Variants in SNX27 observed in about 807,000 individuals in gnomAD.
The protein encoded by SNX27 is sorting nexin-27.
A neutral mutation model predicts 71.6 loss-of-function variants in SNX27; 22 were observed. That is an observed-to-expected ratio of 0.31 (90% CI 0.22 to 0.44). SNX27 has a LOEUF of 0.44. SNX27 is among the 20% of genes least tolerant of loss of function. The probability of loss-of-function intolerance (pLI) is 1.00; values close to 1 mark genes in which losing one functional copy is unlikely to be tolerated. For missense variants in SNX27, 531 were observed against 698.6 expected (o/e 0.76, Z 2.70); for synonymous variants, 269 against 277.2 (o/e 0.97, Z 0.29).
At chr1:151,666,624 C>A (rs1039446543) in intron 6 of SNX27, 9 of 152,252 alleles carry the variant, frequency 5.9e-5, no homozygotes, top group African/African-American at 2.2e-4. Context: ...TTATGGGTCT[C>A]TTCCATGTCA....
intron 2 of SNX27, among the ~76,000 whole-genome samples, chr1:151,641,684 GAT>G (rs1169537943): frequency 6.6e-5 from 8 of 121,656 alleles, no homozygotes; most frequent in African/African-American, 2.4e-4. Flanking sequence ...ATATATATCT[GAT>G]ATATATATCA....
intron 7 of SNX27, among the ~76,000 whole-genome samples, chr1:151,671,501 T>C (rs1427104244): frequency 1.3e-5 from 2 of 152,132 alleles, no homozygotes; most frequent in African/African-American, 4.8e-5. Context: ...CCTCCTAAAT[T>C]GCTGGGTTAC....
intron 8 of SNX27, among the ~76,000 whole-genome samples, chr1:151,689,680 G>A (rs780937580): frequency 2.0e-5 from 3 of 152,140 alleles, no homozygotes; most frequent in East Asian, 1.9e-4. Flanking sequence ...AAGGGTCAAC[G>A]ACACCCACTG....
At chr1:151,656,259 G>A (rs1309052564) in intron 2 of SNX27, among the ~76,000 whole-genome samples, 1 of 149,190 alleles carries the variant, frequency 6.7e-6, no homozygotes, top group Non-Finnish European at 1.5e-5. Flanking sequence ...GTGACAAACT[G>A]GAAGAAGATA....
Position 151,665,947 on chromosome 1 carries a change from G to A in SNX27, c.921G>A (p.Lys307=). The A allele has an allele frequency of 1.3e-6, 2 of 1,599,770 alleles. No homozygotes were observed. The highest frequency in any genetic ancestry group is 1.7e-6 in the Non-Finnish European group (2 of 1,171,250). Residue 307 remains lysine (K), a synonymous_variant, in exon 6 of 12, where the codon AAG becomes AAA. Transcript: ENST00000458013. ...TDQVYQAIAA[K]VGMDSTTVNY... ...TTTAACCTTAGGCTATCGCAGCAAAGGTTGGCATGGACAGTACGACAGTGA... is the reference window on the plus strand; with the variant it reads ...TTTAACCTTAGGCTATCGCAGCAAAAGTTGGCATGGACAGTACGACAGTGA...
chr1:151,679,671 A>G (rs1444438631), intron 7 of SNX27: 2 of 152,256 alleles, frequency 1.3e-5, no homozygotes, highest in African/African-American at 4.8e-5. Context: ...ATTTAACCTC[A>G]GAGGAAATAA....
intron 3 of SNX27, among the ~76,000 whole-genome samples, chr1:151,658,874 C>T (rs1191422016): frequency 6.6e-6 from 1 of 151,908 alleles, no homozygotes; most frequent in Non-Finnish European, 1.5e-5. Context: ...TTAGTAGAGA[C>T]AGGGTTTCAC....
rs774263553 is a variant in SNX27 at position 151,668,507 on chromosome 1, C to T, written c.1021C>T (p.Leu341Phe). 2 of 1,613,600 alleles carry T rather than the reference C, an allele frequency of 1.2e-6. No homozygotes were observed. Among genetic ancestry groups the T allele is most frequent in the Non-Finnish European group, 1.7e-6 (2 of 1,179,816 alleles). ...KLAPNEFPHK[L>F]YIQNYTSAVP... ...GGCACCTAATGAGTTTCCTCACAAA[C>T]TCTACATTCAGAATTATACATCAGC... is the stretch of plus-strand genomic sequence containing the variant. Residue 341 changes from leucine (L) to phenylalanine (F), a missense_variant, in exon 7 of 12, where the codon CTC (leucine) becomes TTC (phenylalanine). Physicochemically the swap from Leu to Phe is conservative, Grantham distance 22. Coordinates refer to ENST00000458013, the MANE Select transcript of SNX27 (RefSeq NM_001330723.2).
rs778415957 is a variant in SNX27 at position 151,693,039 on chromosome 1, T to C, written c.1518T>C (p.Tyr506=). 2.5e-6 allele frequency: 4 copies of C among 1,608,746 alleles called. No homozygotes were observed. The highest frequency in any genetic ancestry group is 3.4e-6 in the Non-Finnish European group (4 of 1,178,532). Residue 506 remains tyrosine, a splice_region_variant and synonymous_variant, in exon 10 of 12, where the codon TAT becomes TAC. Transcript: ENST00000458013. ...KPRWVKIFTP[Y]FNYMHECFER... ...GATGGGTTAAAATCTTCACGCCATATGTGAGTGCAATTTGGGGAAAGTAAC... is the reference window on the plus strand; with the variant it reads ...GATGGGTTAAAATCTTCACGCCATACGTGAGTGCAATTTGGGGAAAGTAAC...
At chr1:151,693,528 T>G in intron 11 of SNX27, 45 bp downstream of exon 11, 2 of 1,613,572 alleles carry the variant, frequency 1.2e-6, no homozygotes, top group Non-Finnish European at 1.7e-6. Flanking sequence ...TCTTTTTGTT[T>G]CTTTAAAATT....
intron 7 of SNX27, among the ~76,000 whole-genome samples, chr1:151,673,694 A>G (rs901094058): frequency 6.6e-6 from 1 of 152,166 alleles, no homozygotes; most frequent in African/African-American, 2.4e-5. Context: ...TGCTTTAGAT[A>G]TTAAATATAT....
At chr1:151,651,937 C>T (rs1336887769) in intron 2 of SNX27, among the ~76,000 whole-genome samples, 10 of 152,012 alleles carry the variant, frequency 6.6e-5, no homozygotes, top group African/African-American at 1.9e-4. Context: ...AACGAGACTC[C>T]GTCTGCAATC....
At chr1:151,618,319 TA>T (rs1667520661) in intron 1 of SNX27, among the ~76,000 whole-genome samples, 1 of 152,232 alleles carries the variant, frequency 6.6e-6, no homozygotes, top group Admixed American at 6.5e-5. Flanking sequence ...TTGCCTTTAT[TA>T]TTGCTATCTT....
Position 151,697,970 on chromosome 1 carries a change from G to T in SNX27, c.*3553G>T, listed in dbSNP as rs533126062. The T allele has an allele frequency of 3.9e-5, 6 of 152,166 alleles. No individual in the cohort carries two copies. Among genetic ancestry groups the T allele is most frequent in the Admixed American group, 6.5e-5 (1 of 15,272 alleles). 9.4% of individuals were successfully genotyped at this position (152,166 alleles called of 1,614,324 possible). On this transcript the variant is annotated 3_prime_UTR_variant, in exon 12 of 12. Transcript: ENST00000458013. The stretch of plus-strand genomic sequence containing the variant: ...CTGAGAAACCTGTCCCTGCAGAAAG[G>T]TTCCCTTGGGCCATGCTTTGGGCCC...
chr1:151,654,361 T>C (rs1447793660), intron 2 of SNX27, among the ~76,000 whole-genome samples: 1 of 152,148 alleles, frequency 6.6e-6, no homozygotes, highest in Non-Finnish European at 1.5e-5. Flanking sequence ...TTCCTTCTTA[T>C]TGCAGCCAAA....
chr1:151,641,598 GATATATATATATATATATAT>G (rs56886589), intron 2 of SNX27, among the ~76,000 whole-genome samples: 5 of 78,994 alleles, frequency 6.3e-5, no homozygotes, highest in East Asian at 5.1e-4. Flanking sequence ...TCCTTTATCA[GATATATATATATATATATAT>G]ATATATATAT....
rs1448262233 is a variant in SNX27 at position 151,612,954 on chromosome 1, T to G, written c.311+442T>G. Among the ~76,000 whole-genome samples the G allele has an allele frequency of 6.6e-6, 1 of 151,842 alleles. No homozygotes were observed. Among genetic ancestry groups the G allele is most frequent in the African/African-American group, 2.4e-5 (1 of 41,286 alleles). On this transcript the variant is annotated intron_variant, in intron 1 of 11. Transcript: ENST00000458013. This position sits in a 1 kb window ranked among gnomAD's most constrained non-coding sequence, Gnocchi z 5.2. ...AGTTCTCATCTTCAGCATCGCAGTT[T>G]CGTTCTCCACCACTCCCCTCCGCCC... is the stretch of plus-strand genomic sequence containing the variant.
chr1:151,621,705 C>T (rs1026240450), intron 1 of SNX27, among the ~76,000 whole-genome samples: 3 of 152,146 alleles, frequency 2.0e-5, no homozygotes, highest in African/African-American at 7.2e-5. Context: ...TACCACAGTA[C>T]TTTTATATCT....
chr1:151,643,922 G>A (rs1266755993), intron 2 of SNX27, among the ~76,000 whole-genome samples: 6 of 152,032 alleles, frequency 3.9e-5, no homozygotes, highest in Non-Finnish European at 7.4e-5. Flanking sequence ...GGCCTCCCAA[G>A]GTGCTGAGAT....
Sources: gnomAD v4.1 joint callset for allele counts (sites outside exome capture counted in the v4.1 genomes callset) on GRCh38, gnomAD v4.1.1 for gene constraint, Gnocchi (gnomAD v3.1) non-coding constraint, MANE v1.5 for transcripts, NCBI Gene and HGNC (gene_info 2026-07-23, HGNC 2026-07-21) for gene names.